The following GALNT13 variants were observed in gnomAD, a reference collection of about 807,000 sequenced individuals.
GALNT13 encodes the protein polypeptide N-acetylgalactosaminyltransferase 13.
GALNT13 carries 28 observed loss-of-function variants against 64.2 expected under a neutral mutation model. The observed-to-expected ratio is 0.44, with a 90% CI of 0.32 to 0.60. The LOEUF (loss-of-function observed/expected upper bound fraction) is 0.60. Ranked by LOEUF, GALNT13 falls within the 20% of genes least tolerant of loss-of-function variation. The pLI is 0.05. For synonymous variants in GALNT13, 214 were observed against 224.6 expected (o/e 0.95, Z 0.42); for missense variants, 577 against 669.8 (o/e 0.86, Z 1.53).
At chr2:154,396,494 T>C (rs1210143680) in intron 10 of GALNT13, among the ~76,000 whole-genome samples, 1 of 152,210 alleles carries the variant, frequency 6.6e-6, no homozygotes, top group East Asian at 1.9e-4. Flanking sequence ...TTTTTACTAA[T>C]TAAACGTTAT....
At chr2:153,856,547 G>A in the GALNT13 span, among the ~76,000 whole-genome samples, 7 of 152,028 alleles carry the variant, frequency 4.6e-5, no homozygotes, top group South Asian at 6.2e-4. Context: ...CTCACCACTC[G>A]TCAGGAAAAT....
the GALNT13 span, among the ~76,000 whole-genome samples, chr2:153,746,276 A>G: frequency 1.3e-5 from 2 of 152,176 alleles, no homozygotes; most frequent in African/African-American, 4.8e-5. Context: ...CCTAGTAAGT[A>G]TATACCTCCC....
At chr2:154,071,597 T>C (rs1337508387) in intron 3 of GALNT13, among the ~76,000 whole-genome samples, 1 of 152,184 alleles carries the variant, frequency 6.6e-6, no homozygotes, top group Non-Finnish European at 1.5e-5. Context: ...CTACTCACTA[T>C]GAAATATGTT....
chr2:153,615,781 A>G, the GALNT13 span, among the ~76,000 whole-genome samples: 1 of 151,976 alleles, frequency 6.6e-6, no homozygotes, highest in Non-Finnish European at 1.5e-5. Flanking sequence ...TAAAAATCAG[A>G]TTATTAGATT....
chr2:153,963,877 G>T (rs375181177), intron 3 of GALNT13, among the ~76,000 whole-genome samples: 32 of 151,634 alleles, frequency 2.1e-4, no homozygotes, highest in African/African-American at 7.3e-4. Context: ...TTCTAAATGA[G>T]GTCTATGAAA....
the GALNT13 span, among the ~76,000 whole-genome samples, chr2:153,688,170 A>C: frequency 6.6e-6 from 1 of 152,004 alleles, no homozygotes; most frequent in Non-Finnish European, 1.5e-5. Context: ...ACATCTATTC[A>C]TTTACGTATG....
At chr2:153,327,693 G>A in the GALNT13 span, among the ~76,000 whole-genome samples, 1 of 151,840 alleles carries the variant, frequency 6.6e-6, no homozygotes, top group African/African-American at 2.4e-5. Context: ...AGCAGTTCCT[G>A]TAACCTTGTA....
intron 8 of GALNT13, among the ~76,000 whole-genome samples, chr2:154,270,376 C>T (rs993905338): frequency 6.6e-6 from 1 of 151,850 alleles, no homozygotes; most frequent in Non-Finnish European, 1.5e-5. Context: ...ATCTCTGGTT[C>T]TCTTTTATAT....
chr2:154,198,619 C>G (rs957082966), intron 4 of GALNT13, among the ~76,000 whole-genome samples: 1 of 151,568 alleles, frequency 6.6e-6, no homozygotes, highest in East Asian at 1.9e-4. Flanking sequence ...GGAGTCCCTG[C>G]AAGTACCCTA....
chr2:153,674,445 T>C, the GALNT13 span, among the ~76,000 whole-genome samples: 1 of 152,072 alleles, frequency 6.6e-6, no homozygotes, highest in Non-Finnish European at 1.5e-5. Flanking sequence ...AAAAAAGCAA[T>C]GGAGAAAGGA....
the GALNT13 span, among the ~76,000 whole-genome samples, chr2:153,146,431 C>T: frequency 6.6e-6 from 1 of 151,824 alleles, no homozygotes; most frequent in Non-Finnish European, 1.5e-5. Context: ...AAACCTTGTC[C>T]TAAGAGCCCC....
the GALNT13 span, among the ~76,000 whole-genome samples, chr2:153,114,994 A>G: frequency 6.6e-6 from 1 of 151,942 alleles, no homozygotes; most frequent in South Asian, 2.1e-4. Flanking sequence ...TCTTTGTAAG[A>G]TAGGGGCAAT....
intron 8 of GALNT13, among the ~76,000 whole-genome samples, chr2:154,297,943 G>A (rs1326431484): frequency 6.6e-6 from 1 of 151,992 alleles, no homozygotes; most frequent in Non-Finnish European, 1.5e-5. Flanking sequence ...AACCAAGTTT[G>A]AACATTTCTG....
At chr2:154,068,540 A>G (rs895903467) in intron 3 of GALNT13, among the ~76,000 whole-genome samples, 4 of 152,078 alleles carry the variant, frequency 2.6e-5, no homozygotes, top group African/African-American at 9.6e-5. Flanking sequence ...CCATAAAAAA[A>G]AGAGTGAGAT....
At position 154,166,352 on chromosome 2, in the gene GALNT13, C is replaced by T. The variant is rs542669577; in HGVS notation, c.311+25847C>T. 1.9e-3 allele frequency among the ~76,000 whole-genome samples: 292 copies of T among 152,260 alleles called. 1 individual carries two copies. Among genetic ancestry groups the T allele is most frequent in the African/African-American group, 6.3e-3 (260 of 41,556 alleles). ...CCCAGGAGGCAGAGGTTGCAATGAG[C>T]GGAGATCACGCCACTGCACTTCAGC... On this transcript the variant is annotated intron_variant, in intron 4 of 12. Coordinates refer to ENST00000392825, the MANE Select transcript of GALNT13 (RefSeq NM_052917.4).
At chr2:154,366,776 C>A (rs1016761170) in intron 9 of GALNT13, among the ~76,000 whole-genome samples, 2 of 152,024 alleles carry the variant, frequency 1.3e-5, no homozygotes, top group Admixed American at 6.6e-5. Context: ...AAAGTGATCA[C>A]CAGAGAAGAG....
the GALNT13 span, among the ~76,000 whole-genome samples, chr2:153,077,897 A>G: frequency 5.3e-5 from 8 of 152,352 alleles, no homozygotes; most frequent in East Asian, 5.8e-4. Flanking sequence ...GCTTTAACAA[A>G]TCAAATTAGA....
the GALNT13 span, among the ~76,000 whole-genome samples, chr2:153,373,191 T>C: frequency 6.6e-6 from 1 of 151,922 alleles, no homozygotes; most frequent in Non-Finnish European, 1.5e-5. Context: ...TACACTTTAC[T>C]GTTTGTAGGC....
the GALNT13 span, among the ~76,000 whole-genome samples, chr2:153,579,125 T>C: frequency 6.6e-6 from 1 of 152,176 alleles, no homozygotes; most frequent in East Asian, 1.9e-4. Flanking sequence ...CTGAAACTCC[T>C]ATTGTTGAGT....
Sources: allele counts gnomAD v4.1 joint callset (sites outside exome capture counted in the v4.1 genomes callset), GRCh38; gene constraint gnomAD v4.1.1; transcripts MANE v1.5; gene names NCBI Gene and HGNC (gene_info 2026-07-23, HGNC 2026-07-21).